The following BTBD3 variants were observed in gnomAD, a reference collection of about 807,000 sequenced individuals.
BTBD3 encodes BTB/POZ domain-containing protein 3.
Under a neutral mutation model 41.6 loss-of-function variants are expected in BTBD3, and 14 were observed. The observed-to-expected ratio is 0.34, with a 90% confidence interval of 0.22 to 0.53. The LOEUF (loss-of-function observed/expected upper bound fraction) is 0.53. Ranked by LOEUF, BTBD3 falls within the 20% of genes least tolerant of loss-of-function variation. The pLI, the probability that BTBD3 is intolerant of heterozygous loss-of-function variation, is 0.95. For synonymous variants in BTBD3, 249 were observed against 233.7 expected, an observed-to-expected ratio of 1.07 and a Z score of -0.60; for missense variants, 426 against 654.7, an observed-to-expected ratio of 0.65 and a Z score of 3.81.
At chr20:11,911,340 T>C (rs1418773440) in intron 1 of BTBD3, among the ~76,000 whole-genome samples, 1 of 152,212 alleles carries the variant, frequency 6.6e-6, no homozygotes, top group Admixed American at 6.5e-5. Flanking sequence ...AAGAAAATTA[T>C]ATTAAGTAAA....
At chr20:11,920,334 C>T (rs988612616) in intron 3 of BTBD3, among the ~76,000 whole-genome samples, 3 of 152,116 alleles carry the variant, frequency 2.0e-5, no homozygotes, top group Non-Finnish European at 4.4e-5. Context: ...TTTGTGTACA[C>T]ATACATATAC....
intron 1 of BTBD3, among the ~76,000 whole-genome samples, chr20:11,903,186 A>T (rs552647536): frequency 3.2e-4 from 49 of 152,312 alleles, no homozygotes; most frequent in African/African-American, 1.1e-3. Flanking sequence ...ATTTTATGGT[A>T]TCAAATGCCA....
chr20:11,919,876 C>T, intron 3 of BTBD3, 40 bp downstream of exon 3: 4 of 1,536,028 alleles, frequency 2.6e-6, no homozygotes, highest in South Asian at 2.2e-5. Context: ...TTTGTTTATG[C>T]TGTATTTGTA....
chr20:11,913,704 T>C (rs1198764697), upstream of BTBD3: 1 of 152,204 alleles, frequency 6.6e-6, no homozygotes, highest in Non-Finnish European at 1.5e-5. Flanking sequence ...CATTAAATGA[T>C]TTCTGGAGTC....
chr20:11,892,388 A>T (rs1025250414), intron 1 of BTBD3: 3 of 152,160 alleles, frequency 2.0e-5, no homozygotes, highest in African/African-American at 7.2e-5. Flanking sequence ...TTCCTCCCCC[A>T]CAGGTTACTG....
At chr20:11,909,580 A>G (rs61288720) in intron 1 of BTBD3, 1 of 152,320 alleles carries the variant, frequency 6.6e-6, no homozygotes, top group African/African-American at 2.4e-5. Context: ...TTCACTCAGC[A>G]TAGCAGACCT....
chr20:11,899,822 G>C (rs1315060769), intron 1 of BTBD3, among the ~76,000 whole-genome samples: 1 of 152,148 alleles, frequency 6.6e-6, no homozygotes, highest in Non-Finnish European at 1.5e-5. Flanking sequence ...GCAAGCAAGT[G>C]CTGTGATTTG....
chr20:11,912,422 A>G (rs1292014829), intron 1 of BTBD3, among the ~76,000 whole-genome samples: 1 of 152,214 alleles, frequency 6.6e-6, no homozygotes, highest in African/African-American at 2.4e-5. Context: ...TGTGGACCGG[A>G]TCACAGTGCA....
chr20:11,905,112 C>A (rs759796212), intron 1 of BTBD3, among the ~76,000 whole-genome samples: 1 of 152,152 alleles, frequency 6.6e-6, no homozygotes, highest in Admixed American at 6.5e-5. Context: ...GTGGTGTAAT[C>A]AAGGTTTCCA....
intron 3 of BTBD3, 28 bp from the exon 4 acceptor site, chr20:11,922,606 C>A: frequency 6.4e-7 from 1 of 1,563,714 alleles, no homozygotes; most frequent in East Asian, 2.3e-5. Context: ...TGTGAAAATT[C>A]CACTTACATG....
intron 1 of BTBD3, chr20:11,910,502 A>AAT (rs1342896172): frequency 3.2e-5 from 4 of 125,126 alleles, no homozygotes; most frequent in Non-Finnish European, 6.8e-5. Flanking sequence ...GACTATTTTC[A>AAT]AGTACCTAGT....
At chr20:11,908,932 T>C (rs1448078783) in intron 1 of BTBD3, among the ~76,000 whole-genome samples, 1 of 152,186 alleles carries the variant, frequency 6.6e-6, no homozygotes, top group Non-Finnish European at 1.5e-5. Context: ...ATGGGGATTG[T>C]ATACTTTTAA....
chr20:11,915,774 G>T (rs950640678), upstream of BTBD3, among the ~76,000 whole-genome samples: 5 of 152,030 alleles, frequency 3.3e-5, no homozygotes, highest in African/African-American at 1.2e-4. Flanking sequence ...CAGATTTAGC[G>T]CTACTTCATT....
At chr20:11,910,911 G>T (rs1288484444) in intron 1 of BTBD3, among the ~76,000 whole-genome samples, 1 of 152,180 alleles carries the variant, frequency 6.6e-6, no homozygotes, top group Admixed American at 6.5e-5. Flanking sequence ...AGTCTCAATT[G>T]AGAATTGTGA....
At chr20:11,894,620 T>C (rs6040970) in intron 1 of BTBD3, among the ~76,000 whole-genome samples, 151,370 of 151,948 alleles carry the variant, frequency 1, 75,398 homozygotes, top group Middle Eastern at 1. Flanking sequence ...GAAGATTGAG[T>C]GTTTATCATG....
chr20:11,894,378 A>T (rs758411374), intron 1 of BTBD3, among the ~76,000 whole-genome samples: 2 of 152,244 alleles, frequency 1.3e-5, no homozygotes, highest in Non-Finnish European at 2.9e-5. Context: ...CTTATGCCAT[A>T]ACATTCCCTT....
intron 1 of BTBD3, among the ~76,000 whole-genome samples, chr20:11,906,050 T>A (rs1361794303): frequency 1.3e-5 from 2 of 152,088 alleles, no homozygotes; most frequent in Non-Finnish European, 2.9e-5. Context: ...TTGAAAAATT[T>A]GAGCAGATTT....
At chr20:11,891,574 C>G (rs948196376) in intron 1 of BTBD3, 1 of 152,262 alleles carries the variant, frequency 6.6e-6, no homozygotes, top group Non-Finnish European at 1.5e-5. Flanking sequence ...CCTCCTGAGG[C>G]TGGACTAGTC....
Position 11,923,838 on chromosome 20 carries a change from G to C in BTBD3, c.*172G>C, listed in dbSNP as rs1271619044. The C allele has an allele frequency of 4.8e-6, 3 of 631,196 alleles. No individual in the cohort carries two copies. The highest frequency in any genetic ancestry group is 2.8e-5 in the East Asian group (1 of 35,798). 39.1% of individuals were successfully genotyped at this position (631,196 alleles called of 1,614,324 possible). A position where few individuals can be genotyped will look rare whatever the true frequency, so the allele number is the denominator to read the frequency against. ...TTAATTATGTACAGGCAAAAATGCA[G>C]CATTCCGCTTTTAACTATCTGCTTA... On this transcript the variant is annotated 3_prime_UTR_variant, in exon 4 of 4. Transcript: ENST00000378226. This position sits in a 1 kb window ranked among gnomAD's most constrained non-coding sequence, Gnocchi z 5.3.
Sources: allele counts gnomAD v4.1 joint callset (sites outside exome capture counted in the v4.1 genomes callset), GRCh38; gene constraint gnomAD v4.1.1; non-coding constraint Gnocchi (gnomAD v3.1); transcripts MANE v1.5; gene names NCBI Gene and HGNC (gene_info 2026-07-23, HGNC 2026-07-21).